Variants in CCDC188 observed in about 807,000 individuals in gnomAD.
CCDC188 encodes coiled-coil domain-containing protein 188.
In CCDC188, 37 loss-of-function variants were observed where a neutral mutation model predicts 50.7. The ratio of observed to expected loss-of-function variants is 0.73; its 90% confidence interval spans 0.56 to 0.96. The LOEUF (loss-of-function observed/expected upper bound fraction) is 0.96. CCDC188 is among the 40% of genes least tolerant of loss of function. The probability of loss-of-function intolerance (pLI) is 0.00; values close to 1 mark genes in which losing one functional copy is unlikely to be tolerated. For missense variants in CCDC188, 453 were observed against 512.9 expected, an observed-to-expected ratio of 0.88 and a Z score of 1.13; for synonymous variants, 208 against 228.0, an observed-to-expected ratio of 0.91 and a Z score of 0.79.
chr22:20,150,036 C>G lies in CCDC188; in HGVS notation c.651G>C (p.Gln217His). ...LAWPPDPAGT[Q>H]PLGNRAPLQL... is the part of the protein sequence containing the mutation. ...GCAGAGGTGCCCTGTTCCCCAAGGGCTGCGTGCCAGCCGGGTCGGGGGGCT... is the reference window on the plus strand; with the variant it reads ...GCAGAGGTGCCCTGTTCCCCAAGGGGTGCGTGCCAGCCGGGTCGGGGGGCT... The change falls in exon 3 of 9, where the codon CAG becomes CAC. Residue 217 changes from glutamine to histidine, a missense_variant. Transcript: ENST00000439765. 2 of 1,548,100 alleles carry G rather than the reference C, an allele frequency of 1.3e-6. No individual in the cohort carries two copies. The highest frequency in any genetic ancestry group is 1.7e-6 in the Non-Finnish European group (2 of 1,146,470).
Position 20,149,589 on chromosome 22 carries a change from C to T in CCDC188, c.841G>A (p.Gly281Arg), listed in dbSNP as rs776317407. 37 of 1,550,096 alleles carry T rather than the reference C, an allele frequency of 2.4e-5. No homozygotes were observed. The highest frequency in any genetic ancestry group is 8.3e-5 in the South Asian group (7 of 84,066). The change falls in exon 5 of 9, where the codon GGG becomes AGG. Residue 281 changes from glycine (G) to arginine (R), a missense_variant. Coordinates refer to ENST00000439765, the MANE Select transcript of CCDC188 (RefSeq NM_001365892.2). ...MHMALNNQAT[G>R]LLNLKKDIRG... ...GCCCTGTGGGGACCTACCAGGAGCC[C>T]GGTGGCCTGGTTGTTCAGGGCCATG...
rs757966210 is a variant in CCDC188, at chr22:20,149,466, T to C, written c.860A>G (p.Lys287Arg). Residue 287 changes from lysine to arginine, a missense_variant, in exon 6 of 9, where the codon AAG becomes AGG. Physicochemically the swap from Lys to Arg is conservative, Grantham distance 26 (BLOSUM62 2). Coordinates refer to ENST00000439765, the MANE Select transcript of CCDC188 (RefSeq NM_001365892.2). ...NQATGLLNLK[K>R]DIRGVLDQME... Reference sequence around the variant, plus strand: ...CTGGTCCAGCACGCCCCGGATGTCCTTCTTGAGGTTCTGGGGGCCAGAGGA... The same window carrying C: ...CTGGTCCAGCACGCCCCGGATGTCCCTCTTGAGGTTCTGGGGGCCAGAGGA... 21 of 1,549,962 alleles carry C rather than the reference T, an allele frequency of 1.4e-5. No individual in the cohort carries two copies. In the African/African-American group the frequency reaches 2.9e-4, roughly 21 times the overall value.
chr22:20,150,880 C>T lies in CCDC188; in HGVS notation c.107G>A (p.Gly36Glu). The T allele has an allele frequency of 1.3e-6, 2 of 1,495,742 alleles. No individual in the cohort carries two copies. The highest frequency in any genetic ancestry group is 2.4e-4 in the Middle Eastern group (1 of 4,182). The allele number at this position is 1,495,742 out of a possible 1,614,324, so 92.7% of individuals were successfully genotyped here. A position where few individuals can be genotyped will look rare whatever the true frequency, so the allele number is the denominator to read the frequency against. The change falls in exon 1 of 9, where the codon GGA becomes GAA. Residue 36 changes from glycine to glutamate, a missense_variant. Transcript: ENST00000439765. ...HGGGLDQPCQ[G>E]FVGWPCLGPI... ...GCCCAGGCAGGGCCACCCTACAAAT[C>T]CCTGGCAGGGCTGGTCCAGGCCTCC... is the stretch of plus-strand genomic sequence containing the variant.
In CCDC188 at chr22:20,150,606, T is replaced by A; in HGVS notation, c.381A>T (p.Arg127Ser). The change falls in exon 1 of 9, where the codon AGA becomes AGT. Residue 127 changes from arginine (R) to serine (S), a missense_variant. By Grantham distance (110) the Arg-to-Ser change is moderately radical. Transcript: ENST00000439765. The stretch of plus-strand genomic sequence containing the variant: ...GTGACAGGGGTGGGCATGGGCAGGG[T>A]CTGGTCCCTGAGCCAATGGATCCCC... Reference protein sequence around the residue: ...RQGGSIGSGTRPCPCPPLSRE... With the variant: ...RQGGSIGSGTSPCPCPPLSRE... The A allele has an allele frequency of 3.9e-6, 6 of 1,544,762 alleles. No individual in the cohort carries two copies. The highest frequency in any genetic ancestry group is 5.2e-6 in the Non-Finnish European group (6 of 1,143,152).
Position 20,150,895 on chromosome 22 carries a change from T to A in CCDC188, c.92A>T (p.Asp31Val). 1 of 1,440,934 alleles carries A rather than the reference T, an allele frequency of 6.9e-7. No homozygotes were observed. Among genetic ancestry groups the A allele is most frequent in the South Asian group, 1.4e-5 (1 of 72,470 alleles). 89.3% of individuals were successfully genotyped at this position (1,440,934 alleles called of 1,614,324 possible). The stretch of plus-strand genomic sequence containing the variant: ...CCCTACAAATCCCTGGCAGGGCTGG[T>A]CCAGGCCTCCTCCATGGCTGCTGGA... ...PASSSHGGGL[D>V]QPCQGFVGWP... is the part of the protein sequence containing the mutation. The change falls in exon 1 of 9, where the codon GAC becomes GTC. Residue 31 changes from aspartate (D) to valine (V), a missense_variant. Coordinates refer to ENST00000439765, the MANE Select transcript of CCDC188 (RefSeq NM_001365892.2).
chr22:20,149,940 C>T lies in CCDC188; in HGVS notation c.732+15G>A. The T allele has an allele frequency of 2.0e-6, 3 of 1,530,214 alleles. No homozygotes were observed. Among genetic ancestry groups the T allele is most frequent in the Non-Finnish European group, 2.6e-6 (3 of 1,137,010 alleles). The allele number at this position is 1,530,214 out of a possible 1,614,324, so 94.8% of individuals were successfully genotyped here. ...GAAGCTTCCTCCCCCCCCACAGCCC[C>T]TCCCCCAGGCCCACCTGGGACTGTT... is the stretch of plus-strand genomic sequence containing the variant. On this transcript the variant is annotated intron_variant, in intron 3 of 8. Coordinates refer to ENST00000439765, the MANE Select transcript of CCDC188 (RefSeq NM_001365892.2).
In CCDC188 at chr22:20,150,462, G is replaced by A; in HGVS notation, c.519+6C>T. 3 of 1,532,344 alleles carry A rather than the reference G, an allele frequency of 2.0e-6. No homozygotes were observed. The highest frequency in any genetic ancestry group is 1.7e-6 in the Non-Finnish European group (2 of 1,144,260). The allele number at this position is 1,532,344 out of a possible 1,614,324, so 94.9% of individuals were successfully genotyped here. ...CTGGGGCTGGGGCGGTGGGTGGGGT[G>A]CTCACCAGGCTGTGGTTCTCCTGCT... On this transcript the variant is annotated splice_donor_region_variant and intron_variant, in intron 1 of 8. Coordinates refer to ENST00000439765, the MANE Select transcript of CCDC188 (RefSeq NM_001365892.2).
At chr22:20,150,400 C>T in intron 1 of CCDC188, 68 bp downstream of exon 1, 1 of 987,486 alleles carries the variant, frequency 1.0e-6, no homozygotes. Context: ...GGGGCTGGGG[C>T]TGGGGCAGGG....
At position 20,150,898 on chromosome 22, in the gene CCDC188, A is replaced by G; in HGVS notation, c.89T>C (p.Leu30Pro). 7.1e-7 allele frequency: 1 copy of G among 1,414,622 alleles called. No homozygotes were observed. The allele number at this position is 1,414,622 out of a possible 1,614,324, so 87.6% of individuals were successfully genotyped here. A position where few individuals can be genotyped will look rare whatever the true frequency, so the allele number is the denominator to read the frequency against. The change falls in exon 1 of 9, where the codon CTG becomes CCG. Residue 30 changes from leucine to proline, a missense_variant. Physicochemically the swap from Leu to Pro is moderately conservative, Grantham distance 98. Transcript: ENST00000439765. ...TACAAATCCCTGGCAGGGCTGGTCCAGGCCTCCTCCATGGCTGCTGGAGGC... is the reference window on the plus strand; with the variant it reads ...TACAAATCCCTGGCAGGGCTGGTCCGGGCCTCCTCCATGGCTGCTGGAGGC... ...TPASSSHGGG[L>P]DQPCQGFVGW...
chr22:20,149,856 T>C (rs2050590990), intron 3 of CCDC188, 76 bp from the exon 4 acceptor site: 2 of 1,484,158 alleles, frequency 1.3e-6, no homozygotes, highest in Admixed American at 4.5e-5. Context: ...CCCACTGGCC[T>C]ACTGCACGAA....
chr22:20,148,517 C>A lies in CCDC188; in HGVS notation c.*97G>T, dbSNP rs1261716258. 1.6e-5 allele frequency: 23 copies of A among 1,428,684 alleles called. No individual in the cohort carries two copies. The Admixed American group carries it at 3.2e-4, about 20-fold the overall frequency. The allele number at this position is 1,428,684 out of a possible 1,614,324, so 88.5% of individuals were successfully genotyped here. On this transcript the variant is annotated 3_prime_UTR_variant, in exon 9 of 9. Coordinates refer to ENST00000439765, the MANE Select transcript of CCDC188 (RefSeq NM_001365892.2). The stretch of plus-strand genomic sequence containing the variant: ...TCTGCAGCTTCTGGCAAGGATGGTG[C>A]ACAGTGGTGCCATGTGCAGGGGGCT...
intron 8 of CCDC188, 30 bp from the exon 9 acceptor site, chr22:20,148,830 C>A (rs571819544): frequency 6.9e-7 from 1 of 1,456,898 alleles, no homozygotes; most frequent in Non-Finnish European, 9.1e-7. Context: ...GGGGCAGGGG[C>A]GCGCGGGGGG....
rs1302106294 is a variant in CCDC188, at chr22:20,149,503, C to G, written c.850-27G>C. On this transcript the variant is annotated intron_variant, in intron 5 of 8. Transcript: ENST00000439765. ...TGGGGGCCAGAGGAGGTAAGCACAG[C>G]AGGCCCCTCGCCCCGCCCTCCGTGG... 3.9e-6 allele frequency: 6 copies of G among 1,549,828 alleles called. 1 individual carries two copies. The African/African-American group carries it at 4.1e-5, about 11-fold the overall frequency.
chr22:20,150,419 C>CAGTG, intron 1 of CCDC188, 49 bp downstream of exon 1: 5 of 743,644 alleles, frequency 6.7e-6, no homozygotes, highest in South Asian at 3.1e-5. Context: ...GGGTACCAGG[C>CAGTG]GGTGGGTGGG....
chr22:20,149,516 C>CCGCCCTCCGTGGCCTCT, intron 5 of CCDC188, 40 bp from the exon 6 acceptor site: 3 of 1,549,942 alleles, frequency 1.9e-6, no homozygotes, highest in Non-Finnish European at 2.6e-6. Context: ...GCCCCTCGCC[C>CCGCCCTCCGTGGCCTCT]CGCCCTCCGT....
chr22:20,149,257 C>T lies in CCDC188; in HGVS notation c.915-13G>A, dbSNP rs1451105213. On this transcript the variant is annotated splice_polypyrimidine_tract_variant and intron_variant, in intron 6 of 8. Transcript: ENST00000439765. ...CTGGGCCCGCTCCCTGCGGGGGCCT[C>T]ACTGTCAGGACCCCACACCCTCCAC... The T allele has an allele frequency of 1.0e-5, 15 of 1,503,570 alleles. 1 individual carries two copies. The South Asian group carries it at 1.7e-4, about 17-fold the overall frequency. The allele number at this position is 1,503,570 out of a possible 1,614,324, so 93.1% of individuals were successfully genotyped here.
intron 6 of CCDC188, 53 bp from the exon 7 acceptor site, chr22:20,149,297 C>A: frequency 6.5e-7 from 1 of 1,537,342 alleles, no homozygotes; most frequent in Non-Finnish European, 8.8e-7. Context: ...AGCCTGGCAC[C>A]CACCCCCTGG....
Position 20,150,797 on chromosome 22 carries a change from C to T in CCDC188, c.190G>A (p.Gly64Arg), listed in dbSNP as rs1247479904. ...CCCTCCACTGTGGGCCCACTGCCCCCTGCCCCTGGGACTGGGAAAGGTCTC... is the reference window on the plus strand; with the variant it reads ...CCCTCCACTGTGGGCCCACTGCCCCTTGCCCCTGGGACTGGGAAAGGTCTC... Reference protein sequence around the residue: ...SQRPFPVPGAGGSGPTVEGEA... With the variant: ...SQRPFPVPGARGSGPTVEGEA... Residue 64 changes from glycine (G) to arginine (R), a missense_variant, in exon 1 of 9, where the codon GGG becomes AGG. Coordinates refer to ENST00000439765, the MANE Select transcript of CCDC188 (RefSeq NM_001365892.2). 1.5e-4 allele frequency: 228 copies of T among 1,549,688 alleles called. 3 individuals are homozygous for T. In the East Asian group the frequency reaches 5.5e-3, roughly 37 times the overall value.
chr22:20,151,047 C>G lies in CCDC188; in HGVS notation c.-61G>C. The G allele has an allele frequency of 7.7e-7, 1 of 1,306,440 alleles. No homozygotes were observed. The highest frequency in any genetic ancestry group is 9.7e-7 in the Non-Finnish European group (1 of 1,028,118). 80.9% of individuals were successfully genotyped at this position (1,306,440 alleles called of 1,614,324 possible). A position where few individuals can be genotyped will look rare whatever the true frequency, so the allele number is the denominator to read the frequency against. ...GCTCTGGCCTGGCCCAACCTGCCAC[C>G]CTCTTACTGAGGGGGCTGCCCCAGG... On this transcript the variant is annotated 5_prime_UTR_variant, in exon 1 of 9. Coordinates refer to ENST00000439765, the MANE Select transcript of CCDC188 (RefSeq NM_001365892.2).
Sources: gnomAD v4.1 joint callset for allele counts on GRCh38, gnomAD v4.1.1 for gene constraint, MANE v1.5 for transcripts, NCBI Gene and HGNC (gene_info 2026-07-23, HGNC 2026-07-21) for gene names.